Variants in ATG4C observed in about 807,000 individuals in gnomAD.
The protein encoded by ATG4C is cysteine protease ATG4C.
Under a neutral mutation model 57.6 loss-of-function variants are expected in ATG4C, and 56 were observed. The observed-to-expected ratio is 0.97, with a 90% CI of 0.78 to 1.21. The LOEUF (loss-of-function observed/expected upper bound fraction) is 1.21. Ranked by LOEUF, ATG4C falls within the 50% of genes most tolerant of loss-of-function variation. The pLI, the probability that ATG4C is intolerant of heterozygous loss-of-function variation, is 0.00. For synonymous variants in ATG4C, 157 were observed against 174.1 expected (o/e 0.90, Z 0.78); for missense variants, 595 against 529.8 (o/e 1.12, Z -1.21).
chr1:62,819,079 T>A lies in ATG4C; in HGVS notation c.469T>A (p.Phe157Ile), dbSNP rs755917266. ...ESWTSHTVKK[F>I]TASFEASLSG... ...ATGGACTTCCCACACTGTCAAAAAA[T>A]TTACTGCATCATTTGAAGCATCACT... The change falls in exon 5 of 11, where the codon TTT (phenylalanine) becomes ATT (isoleucine). Residue 157 changes from phenylalanine (F) to isoleucine (I), a missense_variant. By Grantham distance (21) the Phe-to-Ile change is conservative (BLOSUM62 0). Coordinates refer to ENST00000317868, the MANE Select transcript of ATG4C (RefSeq NM_032852.4). 6.2e-7 allele frequency: 1 copy of A among 1,609,562 alleles called. No homozygotes were observed. Among genetic ancestry groups the A allele is most frequent in the African/African-American group, 1.3e-5 (1 of 74,666 alleles).
At chr1:62,786,577 A>C (rs1326753722) in intron 1 of ATG4C, among the ~76,000 whole-genome samples, 2 of 151,746 alleles carry the variant, frequency 1.3e-5, no homozygotes, top group African/African-American at 4.8e-5. Context: ...ATAATTGGTG[A>C]GCCTTATAAA....
rs1664728881 is a variant in ATG4C, at chr1:62,802,865, C to A, written c.-68-854C>A. On this transcript the variant is annotated intron_variant, in intron 1 of 10. Coordinates refer to ENST00000317868, the MANE Select transcript of ATG4C (RefSeq NM_032852.4). Reference sequence around the variant, plus strand: ...CAGAACTATGATGTATAATTGGTAACTTTTAATACATATTATAAAATGGAA... The same window carrying A: ...CAGAACTATGATGTATAATTGGTAAATTTTAATACATATTATAAAATGGAA... Among the ~76,000 whole-genome samples, 3 of 152,098 alleles carry A rather than the reference C, an allele frequency of 2.0e-5. 1 individual carries two copies. The highest frequency in any genetic ancestry group is 4.1e-4 in the South Asian group (2 of 4,828).
intron 9 of ATG4C, among the ~76,000 whole-genome samples, chr1:62,839,480 A>G (rs942194202): frequency 6.6e-6 from 1 of 152,210 alleles, no homozygotes; most frequent in African/African-American, 2.4e-5. Context: ...CTGGTAAAAA[A>G]GTTAAGAAAC....
At chr1:62,849,503 C>T (rs1179753753) in intron 10 of ATG4C, among the ~76,000 whole-genome samples, 1 of 151,654 alleles carries the variant, frequency 6.6e-6, no homozygotes, top group Non-Finnish European at 1.5e-5. Flanking sequence ...GTTTTTTTAT[C>T]TATCATACTT....
chr1:62,818,872 C>T (rs1665371826), intron 4 of ATG4C, 133 bp from the exon 5 acceptor site: 1 of 666,988 alleles, frequency 1.5e-6, no homozygotes, highest in African/African-American at 1.8e-5. Context: ...CTTTTTGTTT[C>T]CATGTATTTA....
intron 8 of ATG4C, 111 bp from the exon 9 acceptor site, chr1:62,834,665 C>A: frequency 2.6e-6 from 2 of 764,960 alleles, no homozygotes; most frequent in East Asian, 2.7e-5. Context: ...ATCAGTCTGG[C>A]AAGCTGTTAC....
At chr1:62,802,043 C>T (rs1012315977) in intron 1 of ATG4C, among the ~76,000 whole-genome samples, 2 of 149,262 alleles carry the variant, frequency 1.3e-5, no homozygotes, top group African/African-American at 4.9e-5. Flanking sequence ...TTAAATACCA[C>T]ATATCTCAAA....
chr1:62,811,990 CTG>C (rs199556020), intron 3 of ATG4C, among the ~76,000 whole-genome samples: 2,211 of 152,230 alleles, frequency 0.015, 51 homozygotes, highest in African/African-American at 0.05. Context: ...TGAGGACTAA[CTG>C]TATTTTGAAG....
intron 2 of ATG4C, 37 bp downstream of exon 2, chr1:62,803,899 G>T (rs2100295961): frequency 1.5e-6 from 2 of 1,293,984 alleles, no homozygotes; most frequent in Non-Finnish European, 2.2e-6. Flanking sequence ...TAAATCCAAA[G>T]AAATATTTGA....
chr1:62,805,358 T>C, intron 3 of ATG4C, 103 bp downstream of exon 3: 1 of 1,329,124 alleles, frequency 7.5e-7, no homozygotes. Flanking sequence ...AGTATTTCTT[T>C]TAAGTATTTG....
chr1:62,861,869 T>C (rs566154643), intron 10 of ATG4C, among the ~76,000 whole-genome samples: 19 of 152,326 alleles, frequency 1.2e-4, no homozygotes, highest in African/African-American at 4.1e-4. Flanking sequence ...TAAATTGTAT[T>C]TTTTCATTTG....
chr1:62,825,039 C>A (rs557994493), intron 6 of ATG4C, among the ~76,000 whole-genome samples: 16 of 152,084 alleles, frequency 1.1e-4, no homozygotes, highest in African/African-American at 3.6e-4. Context: ...AGTTCGAGAC[C>A]AGCCTGGCCA....
rs1022468298 is a variant in ATG4C, at chr1:62,784,196, G to C, written c.-146G>C. The C allele has an allele frequency of 4.6e-5, 7 of 153,186 alleles. No homozygotes were observed. The highest frequency in any genetic ancestry group is 1.7e-4 in the African/African-American group (7 of 41,442). 9.5% of individuals were successfully genotyped at this position (153,186 alleles called of 1,614,324 possible). A position where few individuals can be genotyped will look rare whatever the true frequency, so the allele number is the denominator to read the frequency against. On this transcript the variant is annotated 5_prime_UTR_variant, in exon 1 of 11. Transcript: ENST00000317868. Reference sequence around the variant, plus strand: ...CGTGTGTGCGGGCTGGTTTTGTGGCGGCTGCTGCTAGAGCTGGAGCATTTG... The same window carrying C: ...CGTGTGTGCGGGCTGGTTTTGTGGCCGCTGCTGCTAGAGCTGGAGCATTTG...
At chr1:62,793,080 G>A (rs951124479) in intron 1 of ATG4C, among the ~76,000 whole-genome samples, 1 of 151,136 alleles carries the variant, frequency 6.6e-6, no homozygotes, top group South Asian at 2.1e-4. Flanking sequence ...TAGAGACGGG[G>A]TTTCACCGTG....
chr1:62,845,126 T>A (rs144171645), intron 10 of ATG4C, among the ~76,000 whole-genome samples: 1,768 of 152,120 alleles, frequency 0.012, 16 homozygotes, highest in South Asian at 0.051. Context: ...ATATACTAGA[T>A]ACATTACAGT....
At chr1:62,827,013 TAA>T (rs1557978319) in intron 6 of ATG4C, among the ~76,000 whole-genome samples, 1 of 152,118 alleles carries the variant, frequency 6.6e-6, no homozygotes, top group East Asian at 1.9e-4. Flanking sequence ...AGTAAAGGAA[TAA>T]AAAAGTTGCT....
At chr1:62,789,147 A>G (rs936235195) in intron 1 of ATG4C, among the ~76,000 whole-genome samples, 23 of 152,238 alleles carry the variant, frequency 1.5e-4, no homozygotes, top group African/African-American at 5.5e-4. Flanking sequence ...TGGTTGCCAA[A>G]TAGTGATTTC....
intron 9 of ATG4C, among the ~76,000 whole-genome samples, chr1:62,836,047 G>A (rs996051839): frequency 2.6e-5 from 4 of 152,038 alleles, no homozygotes; most frequent in African/African-American, 4.8e-5. Flanking sequence ...CAAATTAAAA[G>A]ATTATTGGTC....
intron 1 of ATG4C, among the ~76,000 whole-genome samples, chr1:62,793,628 A>T (rs376284769): frequency 0.032 from 4,831 of 149,540 alleles, 274 homozygotes; most frequent in African/African-American, 0.12. Flanking sequence ...AAACCAAAAA[A>T]ACAAACAAAA....
Sources: allele counts gnomAD v4.1 joint callset (sites outside exome capture counted in the v4.1 genomes callset), GRCh38; gene constraint gnomAD v4.1.1; transcripts MANE v1.5; gene names NCBI Gene and HGNC (gene_info 2026-07-23, HGNC 2026-07-21).